The following ABI1 variants were observed in gnomAD, a reference collection of about 807,000 sequenced individuals.
The protein encoded by ABI1 is Abelson interactor 1.
Under a neutral mutation model 54.6 loss-of-function variants are expected in ABI1, and 14 were observed. That is an observed-to-expected ratio of 0.26 (90% CI 0.17 to 0.40). ABI1 has a LOEUF of 0.40. Ranked by LOEUF, ABI1 falls within the 10% of genes least tolerant of loss-of-function variation. ABI1 has a pLI of 1.00. For missense variants in ABI1, 443 were observed against 598.3 expected, an observed-to-expected ratio of 0.74 and a Z score of 2.71; for synonymous variants, 194 against 209.3, an observed-to-expected ratio of 0.93 and a Z score of 0.63.
intron 10 of ABI1, among the ~76,000 whole-genome samples, chr10:26,750,569 G>A (rs984104988): frequency 6.6e-6 from 1 of 152,196 alleles, no homozygotes; most frequent in African/African-American, 2.4e-5. Context: ...AAAGAATGCT[G>A]CTGGTCTCAA....
At chr10:26,801,833 T>A (rs142330651) in intron 2 of ABI1, among the ~76,000 whole-genome samples, 1 of 152,210 alleles carries the variant, frequency 6.6e-6, no homozygotes, top group Non-Finnish European at 1.5e-5. Flanking sequence ...AATGCATGCA[T>A]GCATGCTAGA....
At chr10:26,774,467 T>G (rs1477573567) in intron 3 of ABI1, among the ~76,000 whole-genome samples, 1 of 152,184 alleles carries the variant, frequency 6.6e-6, no homozygotes, top group Non-Finnish European at 1.5e-5. Context: ...TGTGCTCACT[T>G]ACAAAGATCA....
At position 26,860,917 on chromosome 10, in the gene ABI1, G is replaced by T. The variant is rs937546461; in HGVS notation, c.-54C>A. The T allele has an allele frequency of 1.3e-6, 2 of 1,538,792 alleles. No homozygotes were observed. On this transcript the variant is annotated 5_prime_UTR_variant, in exon 1 of 11. Transcript: ENST00000376140. The surrounding 1 kb of genome is among the most constrained non-coding windows in gnomAD (Gnocchi z 4.1). ...GCGTTAAAGAGACAGAGGCAGCAAG[G>T]TCCGCCGAGGCTCCGAGCACCTCAC... is the stretch of plus-strand genomic sequence containing the variant.
At chr10:26,787,444 T>C (rs1288019124) in intron 2 of ABI1, among the ~76,000 whole-genome samples, 4 of 152,116 alleles carry the variant, frequency 2.6e-5, no homozygotes, top group Non-Finnish European at 4.4e-5. Context: ...CACTGCAGAA[T>C]TATTCAGGAC....
chr10:26,835,412 A>G (rs1267612817), intron 1 of ABI1, among the ~76,000 whole-genome samples: 1 of 151,946 alleles, frequency 6.6e-6, no homozygotes, highest in African/African-American at 2.4e-5. Context: ...TCGTCTCTAC[A>G]AAAAATTTAA....
chr10:26,748,550 C>T lies in ABI1; in HGVS notation c.*20G>A. 1 of 1,574,508 alleles carries T rather than the reference C, an allele frequency of 6.4e-7. No individual in the cohort carries two copies. The highest frequency in any genetic ancestry group is 8.6e-7 in the Non-Finnish European group (1 of 1,158,218). On this transcript the variant is annotated 3_prime_UTR_variant, in exon 11 of 11. Transcript: ENST00000376140. ...AGTATGACTGAGTAATAAGAATCTA[C>T]TTCAAAAGAAAAAAAAAAATTAATC...
At chr10:26,857,320 CAAAAAAA>C (rs71403897) in intron 1 of ABI1, among the ~76,000 whole-genome samples, 4 of 75,900 alleles carry the variant, frequency 5.3e-5, no homozygotes, top group Non-Finnish European at 1.2e-4. Flanking sequence ...GACTCCATCT[CAAAAAAA>C]AAAAAAAAAA....
chr10:26,818,494 T>C lies in ABI1; in HGVS notation c.285+4644A>G, dbSNP rs186027487. 1.0e-3 allele frequency among the ~76,000 whole-genome samples: 153 copies of C among 151,218 alleles called. 1 individual carries two copies. The highest frequency in any genetic ancestry group is 1.9e-3 in the South Asian group (9 of 4,792). On this transcript the variant is annotated intron_variant, in intron 2 of 10. Transcript: ENST00000376140. ...ATTAGCTGGCATGCACCTGTAATCC[T>C]AGCTACTCAGTAGGCTGAGACATAA...
In ABI1 at chr10:26,747,019, ATACT is replaced by A. The variant is rs1837007068; in HGVS notation, c.*1547_*1550del. On this transcript the variant is annotated 3_prime_UTR_variant, in exon 11 of 11. Coordinates refer to ENST00000376140, the MANE Select transcript of ABI1 (RefSeq NM_001012750.3). ...GAAGGTAGCTAGCTGATCACTAATG[ATACT>A]TTGTTTGTTTAAAATTAACAAAGGC... 1 of 225,836 alleles carries A rather than the reference ATACT, an allele frequency of 4.4e-6. No individual in the cohort carries two copies. Among genetic ancestry groups the A allele is most frequent in the Non-Finnish European group, 8.8e-6 (1 of 113,116 alleles). The allele number at this position is 225,836 out of a possible 1,614,324, so 14.0% of individuals were successfully genotyped here.
At chr10:26,750,996 G>A (rs967431520) in intron 10 of ABI1, among the ~76,000 whole-genome samples, 3 of 152,096 alleles carry the variant, frequency 2.0e-5, no homozygotes, top group African/African-American at 7.2e-5. Flanking sequence ...TTTAAAGACC[G>A]ATGCTCCTCC....
chr10:26,859,810 C>A (rs145488498), intron 1 of ABI1, among the ~76,000 whole-genome samples: 105 of 152,276 alleles, frequency 6.9e-4, no homozygotes, highest in African/African-American at 2.5e-3. Flanking sequence ...AAGCAACCGG[C>A]GATGACACCA....
rs201796012 is a variant in ABI1, at chr10:26,809,268, C to CA, written c.285+13869dup. Among the ~76,000 whole-genome samples, 137 of 133,732 alleles carry CA rather than the reference C, an allele frequency of 1.0e-3. 1 individual carries two copies. The highest frequency in any genetic ancestry group is 2.8e-3 in the East Asian group (13 of 4,694). 87.7% of individuals were successfully genotyped at this position (133,732 alleles called of 152,430 possible). A position where few individuals can be genotyped will look rare whatever the true frequency, so the allele number is the denominator to read the frequency against. On this transcript the variant is annotated intron_variant, in intron 2 of 10. Transcript: ENST00000376140. ...CTGGGCGACAGAGTGAGACTTATCT[C>CA]AAAAAAAAAAAAAAAATTACTAGTC...
At chr10:26,837,246 G>A (rs1026525070) in intron 1 of ABI1, among the ~76,000 whole-genome samples, 1 of 152,174 alleles carries the variant, frequency 6.6e-6, no homozygotes, top group East Asian at 1.9e-4. Context: ...GTAGGTTCTG[G>A]TTCTAGCAAG....
In ABI1 at chr10:26,853,529, CTT is replaced by C. The variant is rs535088026; in HGVS notation, c.117+7216_117+7217del. On this transcript the variant is annotated intron_variant, in intron 1 of 10. Transcript: ENST00000376140. ...AGCATTAACTATCAATTTTACCTTA[CTT>C]TTTTTTTTTTTTTTTTTTGAGACGG... Among the ~76,000 whole-genome samples the C allele has an allele frequency of 4.4e-3, 570 of 130,810 alleles. 7 individuals are homozygous for C. The East Asian group carries it at 0.052, about 12-fold the overall frequency. The allele number at this position is 130,810 out of a possible 152,430, so 85.8% of individuals were successfully genotyped here.
intron 3 of ABI1, 102 bp downstream of exon 3, chr10:26,776,963 G>T (rs192493947): frequency 1.9e-6 from 2 of 1,079,260 alleles, no homozygotes; most frequent in Non-Finnish European, 2.6e-6. Context: ...AATGCCAGCT[G>T]CTAAAGAGAA....
chr10:26,763,972 GT>G (rs1159038195), intron 7 of ABI1: 2 of 1,601,310 alleles, frequency 1.2e-6, no homozygotes, highest in South Asian at 1.1e-5. Flanking sequence ...TAATAAAATA[GT>G]TTATAATTCA....
intron 2 of ABI1, among the ~76,000 whole-genome samples, chr10:26,810,207 C>T (rs1408792962): frequency 6.6e-6 from 1 of 152,164 alleles, no homozygotes; most frequent in African/African-American, 2.4e-5. Flanking sequence ...CAGTACCCCA[C>T]TGGTGTCAGA....
intron 2 of ABI1, among the ~76,000 whole-genome samples, chr10:26,816,722 C>T (rs1158451685): frequency 6.6e-6 from 1 of 151,986 alleles, no homozygotes; most frequent in African/African-American, 2.4e-5. Context: ...TTTCTCTATT[C>T]ATTTATAACA....
At chr10:26,773,080 C>T (rs111529697) in intron 3 of ABI1, among the ~76,000 whole-genome samples, 34 of 151,990 alleles carry the variant, frequency 2.2e-4, no homozygotes, top group African/African-American at 8.2e-4. Flanking sequence ...ACTTTGTTTC[C>T]TTAACATTTA....
Sources: allele counts gnomAD v4.1 joint callset (sites outside exome capture counted in the v4.1 genomes callset), GRCh38; gene constraint gnomAD v4.1.1; non-coding constraint Gnocchi (gnomAD v3.1); transcripts MANE v1.5; gene names NCBI Gene and HGNC (gene_info 2026-07-23, HGNC 2026-07-21).